AKAP4: variants seen among roughly 807,000 people sequenced by gnomAD.
AKAP4 encodes the protein A-kinase anchor protein 4.
Under a neutral mutation model 42.6 loss-of-function variants are expected in AKAP4, and 4 were observed. The ratio of observed to expected loss-of-function variants is 0.09; its 90% CI spans 0.05 to 0.22. The LOEUF (loss-of-function observed/expected upper bound fraction) is 0.22, where lower values mean the gene tolerates loss of function less well. AKAP4 is among the 10% of genes least tolerant of loss of function. The pLI, the probability that AKAP4 is intolerant of heterozygous loss-of-function variation, is 1.00. For missense variants in AKAP4, 551 were observed against 630.7 expected (o/e 0.87, Z 1.35); for synonymous variants, 223 against 233.0 (o/e 0.96, Z 0.39).
rs782361715 is a variant in AKAP4 at position 50,192,634 on chromosome X, G to A, written c.2079C>T (p.Asn693=). 1.2e-4 allele frequency: 140 copies of A among 1,209,482 alleles called. 1 individual carries two copies. The highest frequency in any genetic ancestry group is 8.3e-4 in the Admixed American group (38 of 45,666). Residue 693 remains asparagine, a synonymous_variant, in exon 5 of 6, where the codon AAC becomes AAT. Coordinates refer to ENST00000358526, the MANE Select transcript of AKAP4 (RefSeq NM_003886.3). ...LDCTSGMKQA[N]GQFIDKLVES... ...CTACTAGTTTATCTATAAATTGCCC[G>A]TTCGCTTGCTTCATCCCACTGGTAC...
chrX:50,200,131 A>C (rs1436885715), intron 1 of AKAP4: 71 of 612,366 alleles, frequency 1.2e-4, no homozygotes, highest in Non-Finnish European at 1.4e-4. Context: ...TAGCCTAGTA[A>C]AAAAAGAGGT....
chrX:50,192,844 T>C lies in AKAP4; in HGVS notation c.1869A>G (p.Lys623=). Residue 623 remains lysine (K), a synonymous_variant, in exon 5 of 6, where the codon AAA becomes AAG. Coordinates refer to ENST00000358526, the MANE Select transcript of AKAP4 (RefSeq NM_003886.3). ...QKENQHLDSQ[K]MDMSNIVLML... is the part of the protein sequence containing the mutation. ...TTAGAACGATGTTTGACATATCCAT[T>C]TTCTGGGAGTCCAGGTGTTGGTTCT... The C allele has an allele frequency of 8.3e-7, 1 of 1,211,796 alleles. No homozygotes were observed. Among genetic ancestry groups the C allele is most frequent in the Middle Eastern group, 2.3e-4 (1 of 4,352 alleles).
Position 50,191,670 on chromosome X carries a change from AAG to A in AKAP4, c.2410-557_2410-556del, listed in dbSNP as rs782187338. Among the ~76,000 whole-genome samples the A allele has an allele frequency of 1.1e-3, 99 of 90,021 alleles. 1 individual carries two copies. The highest frequency in any genetic ancestry group is 4.0e-3 in the African/African-American group (94 of 23,408). The allele number at this position is 90,021 out of a possible 115,157, so 78.2% of individuals were successfully genotyped here. On this transcript the variant is annotated intron_variant, in intron 5 of 5. Transcript: ENST00000358526. ...TGTGTGTGTGTGTGTGAGAGAGAGA[AAG>A]AGAGAGAGAGAGAGACAGAGAGAGA...
Position 50,193,045 on chromosome X carries a change from C to A in AKAP4, c.1668G>T (p.Leu556=). ...TATCTTTGCCCTTAGTCTGCTGGGTCAGATGGTACTGGATCAGCTTAAGGG... is the reference window on the plus strand; with the variant it reads ...TATCTTTGCCCTTAGTCTGCTGGGTAAGATGGTACTGGATCAGCTTAAGGG... ...VSALKLIQYH[L]TQQTKGKDTC... The change falls in exon 5 of 6, where the codon CTG becomes CTT. Residue 556 remains leucine (L), a synonymous_variant. Coordinates refer to ENST00000358526, the MANE Select transcript of AKAP4 (RefSeq NM_003886.3). 1 of 1,211,814 alleles carries A rather than the reference C, an allele frequency of 8.3e-7. No homozygotes were observed. The highest frequency in any genetic ancestry group is 1.1e-6 in the Non-Finnish European group (1 of 895,523).
In AKAP4 at chrX:50,198,640, G is replaced by A; in HGVS notation, c.123+17C>T. 8.4e-7 allele frequency: 1 copy of A among 1,187,158 alleles called. No homozygotes were observed. Among genetic ancestry groups the A allele is most frequent in the South Asian group, 1.8e-5 (1 of 55,703 alleles). On this transcript the variant is annotated intron_variant, in intron 2 of 5. Coordinates refer to ENST00000358526, the MANE Select transcript of AKAP4 (RefSeq NM_003886.3). ...CAATTTTTCCTACTCCTCGGCATGAGTCATTTTTTATCTTACCACTTTCCG... is the reference window on the plus strand; with the variant it reads ...CAATTTTTCCTACTCCTCGGCATGAATCATTTTTTATCTTACCACTTTCCG...
intron 4 of AKAP4, 92 bp from the exon 5 acceptor site, chrX:50,194,528 A>G (rs1035696350): frequency 1.8e-4 from 135 of 755,884 alleles, no homozygotes; most frequent in Non-Finnish European, 2.4e-4. Context: ...TAGGGATTTG[A>G]CCTTTTGGAG....
intron 5 of AKAP4, among the ~76,000 whole-genome samples, chrX:50,192,051 G>T (rs1432504252): frequency 2.7e-5 from 3 of 110,542 alleles, no homozygotes; most frequent in African/African-American, 9.9e-5. Flanking sequence ...TTATCAAATA[G>T]TTTGTCAAAA....
chrX:50,191,619 G>GGTGTGTGTGT (rs34737063), intron 5 of AKAP4, among the ~76,000 whole-genome samples: 156 of 85,772 alleles, frequency 1.8e-3, no homozygotes, highest in African/African-American at 6.6e-3. Flanking sequence ...CTGTCAGATA[G>GGTGTGTGTGT]GTGTGTGTGT....
In AKAP4 at chrX:50,193,800, C is replaced by T. The variant is rs782120658; in HGVS notation, c.913G>A (p.Glu305Lys). 9 of 1,208,802 alleles carry T rather than the reference C, an allele frequency of 7.4e-6. No individual in the cohort carries two copies. Among genetic ancestry groups the T allele is most frequent in the Middle Eastern group, 2.3e-4 (1 of 4,371 alleles). Residue 305 changes from glutamate to lysine, a missense_variant, in exon 5 of 6, where the codon GAA becomes AAA. By Grantham distance (56) the Glu-to-Lys change is moderately conservative. Transcript: ENST00000358526. Reference sequence around the variant, plus strand: ...CCACTTTTGCTCTTGTTGGATAATTCGCTATATAGAAAGCTTTTCTGGCCA... The same window carrying T: ...CCACTTTTGCTCTTGTTGGATAATTTGCTATATAGAAAGCTTTTCTGGCCA... ...EGGQKSFLYS[E>K]LSNKSKSGDK...
intron 5 of AKAP4, among the ~76,000 whole-genome samples, chrX:50,191,659 T>TGTGAGAGAAA (rs1363221828): frequency 3.7e-4 from 16 of 43,606 alleles, no homozygotes; most frequent in African/African-American, 1.2e-3. Flanking sequence ...TGTGTGTGTG[T>TGTGAGAGAAA]GAGAGAGAGA....
At chrX:50,197,668 T>C in intron 2 of AKAP4, 74 bp from the exon 3 acceptor site, 1 of 900,138 alleles carries the variant, frequency 1.1e-6, no homozygotes, top group Non-Finnish European at 1.6e-6. Context: ...TTGGAGATGA[T>C]AATAGCACCT....
chrX:50,191,961 C>T (rs1935118180), intron 5 of AKAP4, among the ~76,000 whole-genome samples: 1 of 111,303 alleles, frequency 9.0e-6, no homozygotes, highest in Admixed American at 9.5e-5. Context: ...ACTCCATTTT[C>T]CTTTTTTGTT....
intron 1 of AKAP4, among the ~76,000 whole-genome samples, chrX:50,199,925 T>C (rs1394659882): frequency 1.1e-5 from 1 of 88,889 alleles, no homozygotes; most frequent in African/African-American, 4.2e-5. Flanking sequence ...CTACAGCATA[T>C]TAATAATAGC....
Position 50,192,489 on chromosome X carries a change from T to G in AKAP4, c.2224A>C (p.Ile742Leu), listed in dbSNP as rs782721380. The G allele has an allele frequency of 8.3e-7, 1 of 1,211,182 alleles. No homozygotes were observed. The highest frequency in any genetic ancestry group is 2.2e-5 in the Admixed American group (1 of 45,966). Residue 742 changes from isoleucine (I) to leucine (L), a missense_variant, in exon 5 of 6, where the codon ATT becomes CTT. Transcript: ENST00000358526. ...TTCTGTGGCATTGCACCACTGTGAA[T>G]GCATCTGGTGCCCCTGAAATTGGGC... Reference protein sequence around the residue: ...NKPNFRGTRCIHSGAMPQNYQ... With the variant: ...NKPNFRGTRCLHSGAMPQNYQ...
Position 50,191,994 on chromosome X carries a change from G to A in AKAP4, c.2409+310C>T, listed in dbSNP as rs1354236106. On this transcript the variant is annotated intron_variant, in intron 5 of 5. Coordinates refer to ENST00000358526, the MANE Select transcript of AKAP4 (RefSeq NM_003886.3). ...GTTCCCTCCTCTCTAGAGTACTTTG[G>A]GGGATCTTAAAACTCAAAACATAAG... Among the ~76,000 whole-genome samples, 6 of 110,656 alleles carry A rather than the reference G, an allele frequency of 5.4e-5. No individual in the cohort carries two copies. In the Admixed American group the frequency reaches 5.8e-4, roughly 11 times the overall value.
At position 50,194,183 on chromosome X, in the gene AKAP4, A is replaced by G; in HGVS notation, c.530T>C (p.Leu177Pro). 8.3e-7 allele frequency: 1 copy of G among 1,211,725 alleles called. No individual in the cohort carries two copies. The highest frequency in any genetic ancestry group is 1.1e-6 in the Non-Finnish European group (1 of 895,516). ...GGTGTTTTTAGCTGCTGTCATTTCT[A>G]GACGTAGGTTTTGAGGTCTGTTCAT... Reference protein sequence around the residue: ...YLMNRPQNLRLEMTAAKNTNN... With the variant: ...YLMNRPQNLRPEMTAAKNTNN... The change falls in exon 5 of 6, where the codon CTA becomes CCA. Residue 177 changes from leucine to proline, a missense_variant. Leu to Pro is a moderately conservative substitution (Grantham distance 98, BLOSUM62 -3). Coordinates refer to ENST00000358526, the MANE Select transcript of AKAP4 (RefSeq NM_003886.3).
intron 5 of AKAP4, among the ~76,000 whole-genome samples, chrX:50,191,659 T>TGTGTGAGAGAAA (rs1363221828): frequency 6.4e-4 from 28 of 43,624 alleles, no homozygotes; most frequent in African/African-American, 1.9e-3. Context: ...TGTGTGTGTG[T>TGTGTGAGAGAAA]GAGAGAGAGA....
rs782713046 is a variant in AKAP4 at position 50,193,366 on chromosome X, T to A, written c.1347A>T (p.Ala449=). The A allele has an allele frequency of 8.3e-7, 1 of 1,211,716 alleles. No homozygotes were observed. The highest frequency in any genetic ancestry group is 1.8e-5 in the South Asian group (1 of 56,973). ...GATCATGGGACCCAGCTTTTAAAGATGCATATGACAGACTCTGAGACTTAG... is the reference window on the plus strand; with the variant it reads ...GATCATGGGACCCAGCTTTTAAAGAAGCATATGACAGACTCTGAGACTTAG... ...KETKSQSLSY[A]SLKAGSHDPK... is the part of the protein sequence containing the mutation. The change falls in exon 5 of 6, where the codon GCA becomes GCT. Residue 449 remains alanine (A), a synonymous_variant. Coordinates refer to ENST00000358526, the MANE Select transcript of AKAP4 (RefSeq NM_003886.3).
In AKAP4 at chrX:50,194,045, C is replaced by T. The variant is rs1306506603; in HGVS notation, c.668G>A (p.Arg223Gln). ...CATCTGGATTACCAGAGAAGATAGT[C>T]GGTTGACGTAGAAGGAAAGGTCATC... ...SIDDLSFYVN[R>Q]LSSLVIQMAH... Residue 223 changes from arginine to glutamine, a missense_variant, in exon 5 of 6, where the codon CGA becomes CAA. Arg to Gln is a conservative substitution (Grantham distance 43). Coordinates refer to ENST00000358526, the MANE Select transcript of AKAP4 (RefSeq NM_003886.3). 1.1e-5 allele frequency: 13 copies of T among 1,209,727 alleles called. No individual in the cohort carries two copies. Among genetic ancestry groups the T allele is most frequent in the South Asian group, 1.8e-5 (1 of 56,776 alleles).
Sources: gnomAD v4.1 joint callset for allele counts (sites outside exome capture counted in the v4.1 genomes callset) on GRCh38, gnomAD v4.1.1 for gene constraint, MANE v1.5 for transcripts, NCBI Gene and HGNC (gene_info 2026-07-23, HGNC 2026-07-21) for gene names.